The following PAPSS2 variants were observed in gnomAD, a reference collection of about 807,000 sequenced individuals.
PAPSS2 encodes bifunctional 3'-phosphoadenosine 5'-phosphosulfate synthase 2.
In PAPSS2, 61 loss-of-function variants were observed where a neutral mutation model predicts 66.5. The observed-to-expected ratio is 0.92, with a 90% CI of 0.75 to 1.14. The LOEUF is 1.14. Ranked by LOEUF, PAPSS2 falls within the 50% of genes most tolerant of loss-of-function variation. The probability of loss-of-function intolerance (pLI) is 0.00; values close to 1 mark genes in which losing one functional copy is unlikely to be tolerated. For synonymous variants in PAPSS2, 289 were observed against 287.5 expected (o/e 1.01, Z -0.05); for missense variants, 708 against 789.6 (o/e 0.90, Z 1.24).
In PAPSS2 at chr10:87,746,500, G is replaced by A. The variant is rs1426700830; in HGVS notation, c.*530G>A. 6.6e-6 allele frequency: 1 copy of A among 152,458 alleles called. No homozygotes were observed. The highest frequency in any genetic ancestry group is 1.5e-5 in the Non-Finnish European group (1 of 68,380). The allele number at this position is 152,458 out of a possible 1,614,324, so 9.4% of individuals were successfully genotyped here. A position where few individuals can be genotyped will look rare whatever the true frequency, so the allele number is the denominator to read the frequency against. ...ACCTCATGCTGTACAAAGCCTTAAT[G>A]TTGTAATCATATCTTACGTGTTGAA... is the stretch of plus-strand genomic sequence containing the variant. On this transcript the variant is annotated 3_prime_UTR_variant, in exon 13 of 13. Coordinates refer to ENST00000456849, the MANE Select transcript of PAPSS2 (RefSeq NM_001015880.2).
chr10:87,692,100 G>GA (rs1274286356), intron 1 of PAPSS2, among the ~76,000 whole-genome samples: 1 of 152,064 alleles, frequency 6.6e-6, no homozygotes, highest in Non-Finnish European at 1.5e-5. Context: ...AAATTTGCAA[G>GA]ACTTGATAGA....
chr10:87,692,387 AGGGAGGAAG>A (rs1277647282), intron 1 of PAPSS2, among the ~76,000 whole-genome samples: 3 of 152,176 alleles, frequency 2.0e-5, no homozygotes, highest in African/African-American at 7.2e-5. Context: ...TGAGGGGTGT[AGGGAGGAAG>A]AGTAGAAGAG....
chr10:87,714,965 C>T lies in PAPSS2; in HGVS notation c.640-20C>T. On this transcript the variant is annotated intron_variant, in intron 5 of 12. Transcript: ENST00000456849. The stretch of plus-strand genomic sequence containing the variant: ...TCTTTTTACAGTTTTCAAGTTTTTA[C>T]CAATGCTGTTTCATTTCAGAACATT... The T allele has an allele frequency of 2.0e-6, 3 of 1,506,992 alleles. No homozygotes were observed. Among genetic ancestry groups the T allele is most frequent in the Non-Finnish European group, 2.8e-6 (3 of 1,082,412 alleles). The allele number at this position is 1,506,992 out of a possible 1,614,324, so 93.4% of individuals were successfully genotyped here.
At chr10:87,705,806 T>A (rs927200080) in intron 1 of PAPSS2, among the ~76,000 whole-genome samples, 2 of 151,316 alleles carry the variant, frequency 1.3e-5, no homozygotes, top group Non-Finnish European at 2.9e-5. Context: ...TGATCTCGGG[T>A]CACTGCAACC....
chr10:87,725,294 T>C (rs183548191), intron 8 of PAPSS2, among the ~76,000 whole-genome samples: 67 of 152,312 alleles, frequency 4.4e-4, no homozygotes, highest in Non-Finnish European at 7.5e-4. Context: ...CCAGCTGTCA[T>C]TGGACATTTC....
chr10:87,745,731 A>T, intron 12 of PAPSS2, 101 bp from the exon 13 acceptor site: 1 of 1,207,556 alleles, frequency 8.3e-7, no homozygotes, highest in Non-Finnish European at 1.2e-6. Flanking sequence ...GCAGCATTTT[A>T]CAGAAAGAAC....
At chr10:87,684,474 C>G (rs751535038) in intron 1 of PAPSS2, among the ~76,000 whole-genome samples, 12 of 152,234 alleles carry the variant, frequency 7.9e-5, no homozygotes, top group Non-Finnish European at 1.5e-4. Context: ...CACAGTGTGA[C>G]TTGTCCAACA....
chr10:87,701,614 A>G (rs1004044384), intron 1 of PAPSS2, among the ~76,000 whole-genome samples: 2 of 151,888 alleles, frequency 1.3e-5, no homozygotes, highest in African/African-American at 4.8e-5. Flanking sequence ...TTCTAGAGAT[A>G]GTATCTCACT....
intron 1 of PAPSS2, among the ~76,000 whole-genome samples, chr10:87,679,359 G>C (rs1029878549): frequency 2.0e-5 from 3 of 152,168 alleles, no homozygotes; most frequent in African/African-American, 7.2e-5. Flanking sequence ...AAGTTCTATC[G>C]TTCTACAGCA....
At chr10:87,674,617 AT>A (rs1852922311) in intron 1 of PAPSS2, among the ~76,000 whole-genome samples, 1 of 152,208 alleles carries the variant, frequency 6.6e-6, no homozygotes, top group Non-Finnish European at 1.5e-5. Flanking sequence ...CGTTGCAGAT[AT>A]TGCAAAATAT....
At chr10:87,708,820 T>C (rs1194071196) in intron 1 of PAPSS2, among the ~76,000 whole-genome samples, 1 of 152,220 alleles carries the variant, frequency 6.6e-6, no homozygotes, top group Non-Finnish European at 1.5e-5. Flanking sequence ...TGCAATTGCA[T>C]TATAATTGTA....
At chr10:87,726,141 T>C (rs938344465) in intron 8 of PAPSS2, among the ~76,000 whole-genome samples, 5 of 152,202 alleles carry the variant, frequency 3.3e-5, no homozygotes, top group African/African-American at 1.2e-4. Flanking sequence ...TAGTCAATAA[T>C]AATTTAACGG....
intron 1 of PAPSS2, among the ~76,000 whole-genome samples, chr10:87,704,448 C>T (rs947647916): frequency 6.6e-6 from 1 of 152,122 alleles, no homozygotes; most frequent in African/African-American, 2.4e-5. Context: ...AACAGTCAAA[C>T]TAGAGGAAAC....
At chr10:87,676,872 CAAAAAAAAAAAAAAAAAAAAAAA>C (rs71019493) in intron 1 of PAPSS2, among the ~76,000 whole-genome samples, 12 of 31,368 alleles carry the variant, frequency 3.8e-4, no homozygotes, top group East Asian at 2.1e-3. Flanking sequence ...GACCCTGTCT[CAAAAAAAAAAAAAAAAAAAAAAA>C]AAAAAAAAAA....
At chr10:87,667,247 A>T (rs1224352625) in intron 1 of PAPSS2, among the ~76,000 whole-genome samples, 1 of 151,808 alleles carries the variant, frequency 6.6e-6, no homozygotes, top group Non-Finnish European at 1.5e-5. Flanking sequence ...TGAGCGCAGG[A>T]GTTTGAGACC....
intron 8 of PAPSS2, among the ~76,000 whole-genome samples, chr10:87,723,984 C>G (rs1853627642): frequency 6.6e-6 from 1 of 152,118 alleles, no homozygotes; most frequent in African/African-American, 2.4e-5. Context: ...GAATCTTGAA[C>G]TTGAGAACTC....
chr10:87,672,361 A>T (rs1852888889), intron 1 of PAPSS2, among the ~76,000 whole-genome samples: 1 of 152,230 alleles, frequency 6.6e-6, no homozygotes, highest in African/African-American at 2.4e-5. Context: ...GATATAAATG[A>T]TGTAACGTGA....
chr10:87,743,390 C>T lies in PAPSS2; in HGVS notation c.1240C>T (p.Gln414Ter). 6.2e-7 allele frequency: 1 copy of T among 1,613,920 alleles called. No individual in the cohort carries two copies. The highest frequency in any genetic ancestry group is 1.1e-5 in the South Asian group (1 of 91,072). ...TCTCCCAGATGCGGTGTTTGCATTC[C>T]AGTTGCGCAATCCTGTCCACAATGG... The part of the protein sequence containing the change: ...EMNADAVFAF[Q>*]LRNPVHNGHA... The change falls in exon 11 of 13, where the codon CAG (glutamine) becomes TAG (stop). Residue 414 changes from glutamine (Q) to a stop codon, truncating the protein, a stop_gained. Transcript: ENST00000456849. LOFTEE classifies it high-confidence loss of function.
intron 1 of PAPSS2, among the ~76,000 whole-genome samples, chr10:87,665,293 G>C (rs1049454830): frequency 2.0e-5 from 3 of 151,780 alleles, no homozygotes; most frequent in Admixed American, 6.6e-5. Flanking sequence ...CTCACTGCAA[G>C]TTCCGCCTTC....
Sources: gnomAD v4.1 joint callset for allele counts (sites outside exome capture counted in the v4.1 genomes callset) on GRCh38, gnomAD v4.1.1 for gene constraint, MANE v1.5 for transcripts, NCBI Gene and HGNC (gene_info 2026-07-23, HGNC 2026-07-21) for gene names.